The following MGST1 variants were observed in gnomAD, a reference collection of about 807,000 sequenced individuals.
The protein encoded by MGST1 is glutathione S-transferase 12.
MGST1 carries 5 observed loss-of-function variants against 8.9 expected under a neutral mutation model. The observed-to-expected ratio is 0.56, with a 90% CI of 0.29 to 1.19. MGST1 has a LOEUF of 1.19. Among genes scored for constraint, MGST1 ranks in the 50% most tolerant of loss-of-function variants. The probability of loss-of-function intolerance (pLI) is 0.08; values close to 1 mark genes in which losing one functional copy is unlikely to be tolerated. For synonymous variants in MGST1, 54 were observed against 67.8 expected (o/e 0.80, Z 1.00); for missense variants, 182 against 187.4 (o/e 0.97, Z 0.17).
chr12:16,588,630 T>G (rs542112610), intron 4 of MGST1, among the ~76,000 whole-genome samples: 207 of 152,176 alleles, frequency 1.4e-3, no homozygotes, highest in African/African-American at 4.9e-3. Flanking sequence ...CACACTACAA[T>G]CTTAATTTAA....
intron 4 of MGST1, among the ~76,000 whole-genome samples, chr12:16,464,447 T>C (rs1941241138): frequency 6.6e-6 from 1 of 152,236 alleles, no homozygotes; most frequent in Non-Finnish European, 1.5e-5. Flanking sequence ...CAGATAATAA[T>C]ATGATTGAAA....
At chr12:16,453,561 CT>C (rs1484016266) in intron 4 of MGST1, among the ~76,000 whole-genome samples, 1 of 151,888 alleles carries the variant, frequency 6.6e-6, no homozygotes, top group Admixed American at 6.6e-5. Flanking sequence ...TTTCTTAGGG[CT>C]GCTGTAACAA....
chr12:16,546,244 A>G lies in MGST1; in HGVS notation n.483-43284A>G, dbSNP rs1034042883. 9.2e-5 allele frequency among the ~76,000 whole-genome samples: 14 copies of G among 152,058 alleles called. No homozygotes were observed. The East Asian group carries it at 2.7e-3, about 29-fold the overall frequency. On this transcript the variant is annotated intron_variant and non_coding_transcript_variant, in intron 4 of 4. Transcript: ENST00000538857. This position sits in a 1 kb window ranked among gnomAD's most constrained non-coding sequence, Gnocchi z 4.7. ...AAACTCTTCTCCAGGAGCAGGGTGAAAAAAGATTTTGATTATGTATTATCT... is the reference window on the plus strand; with the variant it reads ...AAACTCTTCTCCAGGAGCAGGGTGAGAAAAGATTTTGATTATGTATTATCT...
At chr12:16,578,208 C>T (rs571486781) in intron 4 of MGST1, among the ~76,000 whole-genome samples, 1 of 152,260 alleles carries the variant, frequency 6.6e-6, no homozygotes, top group South Asian at 2.1e-4. Flanking sequence ...AGTGACAGTA[C>T]TGCAATTTTC....
chr12:16,434,385 C>T (rs529979734), intron 1 of MGST1, among the ~76,000 whole-genome samples: 8 of 151,934 alleles, frequency 5.3e-5, no homozygotes, highest in African/African-American at 1.2e-4. Context: ...CTAGTTCTTC[C>T]GATCACTTAT....
At chr12:16,409,384 C>A (rs1940723105) in intron 1 of MGST1, among the ~76,000 whole-genome samples, 1 of 151,938 alleles carries the variant, frequency 6.6e-6, no homozygotes, top group Admixed American at 6.6e-5. Context: ...CCTTTATTAC[C>A]CACAAAGTAT....
intron 4 of MGST1, among the ~76,000 whole-genome samples, chr12:16,489,155 A>T (rs1448535497): frequency 6.6e-6 from 1 of 152,140 alleles, no homozygotes; most frequent in Non-Finnish European, 1.5e-5. Flanking sequence ...GTAAATACTT[A>T]TTGAACAAAT....
At chr12:16,568,935 G>A (rs1182694156) in intron 4 of MGST1, among the ~76,000 whole-genome samples, 1 of 152,018 alleles carries the variant, frequency 6.6e-6, no homozygotes, top group African/African-American at 2.4e-5. Context: ...AAAAATACAG[G>A]CCAGAGACAT....
intron 1 of MGST1, among the ~76,000 whole-genome samples, chr12:16,411,223 C>T (rs762809670): frequency 1.3e-5 from 2 of 152,198 alleles, no homozygotes; most frequent in Non-Finnish European, 2.9e-5. Context: ...GGCAGAACCA[C>T]ATCCATTGAG....
At position 16,457,129 on chromosome 12, in the gene MGST1, C is replaced by G. The variant is rs536404612; in HGVS notation, n.482+73525C>G. On this transcript the variant is annotated intron_variant and non_coding_transcript_variant, in intron 4 of 4. Coordinates refer to the MGST1 transcript ENST00000538857. ...GGTTTCTGCATGGGTCTTCTCATAT[C>G]CAGGCATTAATAAAATAACTGACAT... Among the ~76,000 whole-genome samples the G allele has an allele frequency of 3.3e-5, 5 of 152,018 alleles. No homozygotes were observed. The South Asian group carries it at 1.0e-3, about 32-fold the overall frequency.
chr12:16,370,537 G>A (rs1940273266), intron 3 of MGST1: 2 of 152,082 alleles, frequency 1.3e-5, no homozygotes, highest in Admixed American at 6.6e-5. Context: ...TATTAATCAT[G>A]AAAATAAAGC....
In MGST1 at chr12:16,556,023, C is replaced by T. The variant is rs147598349; in HGVS notation, n.483-33505C>T. On this transcript the variant is annotated intron_variant and non_coding_transcript_variant, in intron 4 of 4. Coordinates refer to the MGST1 transcript ENST00000538857. ...TGAGTCTTTGATGTCCTGTCTCTCC[C>T]GTAGCTCCGGACACCTCTAAGAAAT... Among the ~76,000 whole-genome samples the T allele has an allele frequency of 5.0e-3, 763 of 152,214 alleles. 8 individuals carry two copies. The highest frequency in any genetic ancestry group is 0.018 in the African/African-American group (739 of 41,524).
rs1469372054 is a variant in MGST1, at chr12:16,547,929, A to G, written n.483-41599A>G. On this transcript the variant is annotated intron_variant and non_coding_transcript_variant, in intron 4 of 4. Transcript: ENST00000538857. The surrounding 1 kb of genome is among the most constrained non-coding windows in gnomAD (Gnocchi z 4.6). Reference sequence around the variant, plus strand: ...ATAGTTAAAAGGAAAACACTTTTGCATGGCATGTTTTACTACAGATATAAT... The same window carrying G: ...ATAGTTAAAAGGAAAACACTTTTGCGTGGCATGTTTTACTACAGATATAAT... Among the ~76,000 whole-genome samples, 1 of 152,164 alleles carries G rather than the reference A, an allele frequency of 6.6e-6. No homozygotes were observed. Among genetic ancestry groups the G allele is most frequent in the African/African-American group, 2.4e-5 (1 of 41,448 alleles).
rs140526271 is a variant in MGST1, at chr12:16,409,613, A to T, written n.778+26009A>T. On this transcript the variant is annotated intron_variant and non_coding_transcript_variant, in intron 1 of 1. Transcript: ENST00000359720. Reference sequence around the variant, plus strand: ...CTTAGTTTTTACCTCCCTAGAATACAGAAGTGTAAGCAAATGGCTTCTAGG... The same window carrying T: ...CTTAGTTTTTACCTCCCTAGAATACTGAAGTGTAAGCAAATGGCTTCTAGG... Among the ~76,000 whole-genome samples, 619 of 152,266 alleles carry T rather than the reference A, an allele frequency of 4.1e-3. 9 individuals are homozygous for T. The highest frequency in any genetic ancestry group is 2.7e-3 in the East Asian group (14 of 5,184).
At chr12:16,399,416 A>G in intron 1 of MGST1, 1 of 1,517,254 alleles carries the variant, frequency 6.6e-7, no homozygotes, top group Non-Finnish European at 9.2e-7. Flanking sequence ...CTTCCTTATA[A>G]CAACTTTCTT....
chr12:16,551,288 C>T, intron 4 of MGST1: 1 of 1,612,854 alleles, frequency 6.2e-7, no homozygotes, highest in Non-Finnish European at 8.5e-7. Context: ...GGCAAAGGAT[C>T]ATGTTATTCT....
At chr12:16,491,064 A>T (rs929654814) in intron 4 of MGST1, among the ~76,000 whole-genome samples, 1 of 152,286 alleles carries the variant, frequency 6.6e-6, no homozygotes, top group South Asian at 2.1e-4. Flanking sequence ...AATTCTCTCG[A>T]TATAACTATT....
intron 4 of MGST1, among the ~76,000 whole-genome samples, chr12:16,489,860 A>G (rs1488960393): frequency 6.6e-6 from 1 of 152,168 alleles, no homozygotes; most frequent in African/African-American, 2.4e-5. Flanking sequence ...CTCACCTGTC[A>G]TCATGCAATT....
chr12:16,504,938 C>T (rs1160229328), intron 4 of MGST1, among the ~76,000 whole-genome samples: 1 of 152,136 alleles, frequency 6.6e-6, no homozygotes, highest in African/African-American at 2.4e-5. Flanking sequence ...GGCTTCCATG[C>T]TTGCTATAGG....
Sources: gnomAD v4.1 joint callset for allele counts (sites outside exome capture counted in the v4.1 genomes callset) on GRCh38, gnomAD v4.1.1 for gene constraint, Gnocchi (gnomAD v3.1) non-coding constraint, MANE v1.5 for transcripts, NCBI Gene and HGNC (gene_info 2026-07-23, HGNC 2026-07-21) for gene names.